Variants in NFIX observed in about 807,000 individuals in gnomAD.
The protein encoded by NFIX is nuclear factor 1 X-type.
NFIX carries 2 observed loss-of-function variants against 53.3 expected under a neutral mutation model. The observed-to-expected ratio is 0.04, with a 90% CI of 0.02 to 0.12. The LOEUF (loss-of-function observed/expected upper bound fraction) is 0.12, where lower values mean the gene tolerates loss of function less well. Among genes scored for constraint, NFIX ranks in the 10% least tolerant of loss-of-function variants. NFIX has a pLI of 1.00. For synonymous variants in NFIX, 244 were observed against 289.0 expected, an observed-to-expected ratio of 0.84 and a Z score of 1.58; for missense variants, 310 against 674.5, an observed-to-expected ratio of 0.46 and a Z score of 5.99.
chr19:13,080,635 T>C (rs1445665057), intron 7 of NFIX, among the ~76,000 whole-genome samples: 1 of 151,804 alleles, frequency 6.6e-6, no homozygotes, highest in Non-Finnish European at 1.5e-5. Context: ...GGCCAGGAGT[T>C]CGAGGCTGCA....
At chr19:13,007,808 C>T (rs1400275507) in intron 1 of NFIX, among the ~76,000 whole-genome samples, 2 of 151,950 alleles carry the variant, frequency 1.3e-5, no homozygotes, top group South Asian at 2.1e-4. Flanking sequence ...CAACCCAAGG[C>T]GGCCCTGTGG....
intron 2 of NFIX, among the ~76,000 whole-genome samples, chr19:13,047,700 C>A (rs1269869582): frequency 1.3e-5 from 2 of 152,068 alleles, no homozygotes; most frequent in Non-Finnish European, 2.9e-5. Flanking sequence ...GGGAGGAGAC[C>A]CTTGCTTCCC....
Position 13,090,242 on chromosome 19 carries a change from C to T in NFIX, c.1403-57C>T. ...CTCTCAGCAGCCCCGAGGGGCAGTG[C>T]CCAGGTGGGCCCCAAGGCCTGACAG... is the stretch of plus-strand genomic sequence containing the variant. On this transcript the variant is annotated intron_variant, in intron 9 of 10. Coordinates refer to ENST00000592199, the MANE Select transcript of NFIX (RefSeq NM_001365902.3). This position sits in a 1 kb window ranked among gnomAD's most constrained non-coding sequence, Gnocchi z 6.6. 6.5e-7 allele frequency: 1 copy of T among 1,532,170 alleles called. No homozygotes were observed. The highest frequency in any genetic ancestry group is 2.3e-5 in the East Asian group (1 of 44,444). The allele number at this position is 1,532,170 out of a possible 1,614,324, so 94.9% of individuals were successfully genotyped here. A position where few individuals can be genotyped will look rare whatever the true frequency, so the allele number is the denominator to read the frequency against.
chr19:13,075,993 C>A (rs1599849724), intron 6 of NFIX, among the ~76,000 whole-genome samples: 1 of 152,166 alleles, frequency 6.6e-6, no homozygotes, highest in East Asian at 1.9e-4. Context: ...GTTGCCCCAC[C>A]CCGTGGCCTC....
chr19:13,083,704 TTGTGTGGCC>T (rs199732522), intron 8 of NFIX, among the ~76,000 whole-genome samples: 5,117 of 152,252 alleles, frequency 0.034, 94 homozygotes, highest in Middle Eastern at 0.082. Context: ...CTGAGTTTCC[TTGTGTGGCC>T]TGTGTGGCCT....
chr19:13,027,254 G>A lies in NFIX; in HGVS notation c.559+1702G>A, dbSNP rs2013439634. Among the ~76,000 whole-genome samples, 1 of 152,308 alleles carries A rather than the reference G, an allele frequency of 6.6e-6. No homozygotes were observed. Among genetic ancestry groups the A allele is most frequent in the South Asian group, 2.1e-4 (1 of 4,828 alleles). ...CTGTGTGACCATCGTGACCCGTCAT[G>A]CAGAAGGGCCAGGTGCCAGTCATTC... On this transcript the variant is annotated intron_variant, in intron 2 of 10. Coordinates refer to ENST00000592199, the MANE Select transcript of NFIX (RefSeq NM_001365902.3). The surrounding 1 kb of genome is among the most constrained non-coding windows in gnomAD (Gnocchi z 4.3).
chr19:13,091,095 T>TG lies in NFIX; in HGVS notation c.1494+710dup, dbSNP rs1328862428. 2.0e-5 allele frequency among the ~76,000 whole-genome samples: 3 copies of TG among 152,216 alleles called. No homozygotes were observed. The East Asian group carries it at 5.8e-4, about 29-fold the overall frequency. ...CAGTGCCCACAGAGCCCAGTGCCCT[T>TG]GGGGGCACAGGGAAGACCCATCTCA... On this transcript the variant is annotated intron_variant, in intron 10 of 10. Transcript: ENST00000592199.
rs1238578249 is a variant in NFIX at position 13,078,862 on chromosome 19, G to A, written c.1078+127G>A. The A allele has an allele frequency of 4.4e-6, 5 of 1,149,134 alleles. No homozygotes were observed. The highest frequency in any genetic ancestry group is 6.0e-6 in the Non-Finnish European group (5 of 837,546). The allele number at this position is 1,149,134 out of a possible 1,614,324, so 71.2% of individuals were successfully genotyped here. A position where few individuals can be genotyped will look rare whatever the true frequency, so the allele number is the denominator to read the frequency against. ...CCCCACGCTCTCCAAGTGGGCCAAG[G>A]TGCAGCAGCGGGTGGGCATGGGAGC... On this transcript the variant is annotated intron_variant, in intron 7 of 10. Transcript: ENST00000592199. The surrounding 1 kb of genome is among the most constrained non-coding windows in gnomAD (Gnocchi z 4.7).
Position 13,051,720 on chromosome 19 carries a change from A to G in NFIX, c.560-21327A>G, listed in dbSNP as rs1458361264. The stretch of plus-strand genomic sequence containing the variant: ...CCTCTTCCCCACGTGGCTCATTACA[A>G]CTCCAGTTGTTCAGGTCTTGACCTC... On this transcript the variant is annotated intron_variant, in intron 2 of 10. Coordinates refer to ENST00000592199, the MANE Select transcript of NFIX (RefSeq NM_001365902.3). The surrounding 1 kb of genome is among the most constrained non-coding windows in gnomAD (Gnocchi z 5.1). Among the ~76,000 whole-genome samples, 1 of 151,252 alleles carries G rather than the reference A, an allele frequency of 6.6e-6. No individual in the cohort carries two copies. The highest frequency in any genetic ancestry group is 2.4e-5 in the African/African-American group (1 of 41,050).
rs1354326160 is a variant in NFIX at position 13,014,869 on chromosome 19, G to A, written c.28-10152G>A. Among the ~76,000 whole-genome samples the A allele has an allele frequency of 1.3e-5, 2 of 151,818 alleles. No homozygotes were observed. The highest frequency in any genetic ancestry group is 2.9e-5 in the Non-Finnish European group (2 of 68,026). On this transcript the variant is annotated intron_variant, in intron 1 of 10. Transcript: ENST00000592199. This position sits in a 1 kb window ranked among gnomAD's most constrained non-coding sequence, Gnocchi z 4.4. ...TGCAGAGGTTCGGCTCTGGGCTGGT[G>A]GTAGGGGGCTGGTGGTAGGCGAGGT... is the stretch of plus-strand genomic sequence containing the variant.
Position 13,012,235 on chromosome 19 carries a change from T to A in NFIX, c.28-12786T>A. On this transcript the variant is annotated intron_variant, in intron 1 of 10. Coordinates refer to ENST00000592199, the MANE Select transcript of NFIX (RefSeq NM_001365902.3). The surrounding 1 kb of genome is among the most constrained non-coding windows in gnomAD (Gnocchi z 5.0). ...CGACGGAACCGCCATGGGTGCTGAG[T>A]GGAGAGTGGGGACCGCGGACCCCGG... 1 of 152,032 alleles carries A rather than the reference T, an allele frequency of 6.6e-6. No individual in the cohort carries two copies. The highest frequency in any genetic ancestry group is 1.9e-4 in the East Asian group (1 of 5,164). 9.4% of individuals were successfully genotyped at this position (152,032 alleles called of 1,614,324 possible).
At position 13,089,831 on chromosome 19, in the gene NFIX, C is replaced by T. The variant is rs983809268; in HGVS notation, c.1403-468C>T. Among the ~76,000 whole-genome samples the T allele has an allele frequency of 2.0e-5, 3 of 152,182 alleles. No individual in the cohort carries two copies. The highest frequency in any genetic ancestry group is 7.2e-5 in the African/African-American group (3 of 41,458). On this transcript the variant is annotated intron_variant, in intron 9 of 10. Transcript: ENST00000592199. This position sits in a 1 kb window ranked among gnomAD's most constrained non-coding sequence, Gnocchi z 4.8. ...GGGGCCGGACTGCCAAAGCCTCCAC[C>T]CTCCCCTGGCCCCCTCTCTTCAGTA...
chr19:13,069,401 C>T (rs1175535223), intron 2 of NFIX, among the ~76,000 whole-genome samples: 2 of 152,222 alleles, frequency 1.3e-5, no homozygotes, highest in Non-Finnish European at 2.9e-5. Context: ...AAAGATGGAG[C>T]CCGGCACCTG....
At chr19:13,092,628 CAG>C (rs1207407675) in intron 10 of NFIX, among the ~76,000 whole-genome samples, 2 of 152,248 alleles carry the variant, frequency 1.3e-5, no homozygotes, top group East Asian at 1.9e-4. Flanking sequence ...GGCTTACCAC[CAG>C]AGTCAGCCTC....
intron 1 of NFIX, among the ~76,000 whole-genome samples, chr19:13,000,565 G>C (rs558988149): frequency 6.6e-6 from 1 of 151,342 alleles, no homozygotes; most frequent in Non-Finnish European, 1.5e-5. Context: ...AGAGTGGGGG[G>C]CAGGAGGGGA....
intron 1 of NFIX, among the ~76,000 whole-genome samples, chr19:13,020,163 G>T (rs1050499006): frequency 1.3e-5 from 2 of 152,188 alleles, no homozygotes; most frequent in Admixed American, 1.3e-4. Flanking sequence ...CCTGCCTGGG[G>T]CTGGAGGGGA....
intron 6 of NFIX, among the ~76,000 whole-genome samples, chr19:13,077,174 C>G (rs1262259271): frequency 9.2e-5 from 14 of 152,114 alleles, no homozygotes. Flanking sequence ...GCTCCTGGGG[C>G]AAGGGCTCCT....
chr19:13,034,195 T>C (rs575393865), intron 2 of NFIX, among the ~76,000 whole-genome samples: 3 of 152,320 alleles, frequency 2.0e-5, no homozygotes, highest in South Asian at 4.1e-4. Flanking sequence ...AGTTTCATCA[T>C]TGTGGTCTCT....
intron 2 of NFIX, among the ~76,000 whole-genome samples, chr19:13,029,692 C>A (rs1454696599): frequency 6.6e-6 from 1 of 152,196 alleles, no homozygotes; most frequent in Non-Finnish European, 1.5e-5. Context: ...GGTCCCGGGA[C>A]AGCTGAGCTT....
Sources: allele counts gnomAD v4.1 joint callset (sites outside exome capture counted in the v4.1 genomes callset), GRCh38; gene constraint gnomAD v4.1.1; non-coding constraint Gnocchi (gnomAD v3.1); transcripts MANE v1.5; gene names NCBI Gene and HGNC (gene_info 2026-07-23, HGNC 2026-07-21).